Variants in FOXP2 observed in about 807,000 individuals in gnomAD.
FOXP2 encodes forkhead box protein P2.
FOXP2 carries 12 observed loss-of-function variants against 115.8 expected under a neutral mutation model. The observed-to-expected ratio is 0.10, with a 90% confidence interval of 0.07 to 0.17. The LOEUF (loss-of-function observed/expected upper bound fraction) is 0.17, where lower values mean the gene tolerates loss of function less well. Ranked by LOEUF, FOXP2 falls within the 10% of genes least tolerant of loss-of-function variation. FOXP2 has a pLI of 1.00. For missense variants in FOXP2, 629 were observed against 843.5 expected, an observed-to-expected ratio of 0.75 and a Z score of 3.15; for synonymous variants, 328 against 297.7, an observed-to-expected ratio of 1.10 and a Z score of -1.05.
intron 1 of FOXP2, among the ~76,000 whole-genome samples, chr7:114,227,949 G>T (rs936602192): frequency 6.6e-6 from 1 of 151,936 alleles, no homozygotes; most frequent in Non-Finnish European, 1.5e-5. Flanking sequence ...CAAACCAATG[G>T]TCCTGTGGAT....
intron 2 of FOXP2, among the ~76,000 whole-genome samples, chr7:114,463,500 GCAAA>G (rs1317929023): frequency 1.3e-5 from 2 of 152,092 alleles, no homozygotes; most frequent in African/African-American, 4.8e-5. Context: ...GTGGCTAATG[GCAAA>G]CATGTTGAAC....
chr7:114,205,652 T>A (rs1794182108), intron 1 of FOXP2, among the ~76,000 whole-genome samples: 1 of 152,062 alleles, frequency 6.6e-6, no homozygotes, highest in Non-Finnish European at 1.5e-5. Flanking sequence ...TAGGGGACCA[T>A]TTTTGAGATC....
intron 2 of FOXP2, among the ~76,000 whole-genome samples, chr7:114,302,307 T>C (rs1796896875): frequency 6.6e-6 from 1 of 152,158 alleles, no homozygotes; most frequent in South Asian, 2.1e-4. Context: ...ATATGAACTT[T>C]TGATGGTAAA....
chr7:114,625,043 G>A (rs866200551), intron 3 of FOXP2, among the ~76,000 whole-genome samples: 2 of 151,444 alleles, frequency 1.3e-5, no homozygotes, highest in South Asian at 4.2e-4. Context: ...GGTGCACAGA[G>A]CAGCATGTCG....
chr7:114,354,435 G>A (rs757691562), intron 2 of FOXP2, among the ~76,000 whole-genome samples: 1 of 152,038 alleles, frequency 6.6e-6, no homozygotes, highest in South Asian at 2.1e-4. Context: ...CTATTGGTTT[G>A]GTTTCTCTGG....
chr7:114,435,289 A>G (rs1794291458), intron 2 of FOXP2, among the ~76,000 whole-genome samples: 2 of 152,148 alleles, frequency 1.3e-5, no homozygotes, highest in African/African-American at 4.8e-5. Context: ...AGGTTTTAGG[A>G]AGGGCATTTT....
At chr7:114,525,195 GTAT>G (rs962306739) in intron 2 of FOXP2, among the ~76,000 whole-genome samples, 18 of 152,124 alleles carry the variant, frequency 1.2e-4, no homozygotes, top group African/African-American at 4.3e-4. Flanking sequence ...CAAATGACTA[GTAT>G]TATATATTTC....
chr7:114,536,872 A>T (rs1468445469), intron 3 of FOXP2, among the ~76,000 whole-genome samples: 3 of 151,500 alleles, frequency 2.0e-5, no homozygotes, highest in African/African-American at 4.8e-5. Context: ...CAAAATATAC[A>T]CTGCAATTAA....
chr7:114,165,112 T>C (rs558650567), intron 1 of FOXP2, among the ~76,000 whole-genome samples: 25 of 152,176 alleles, frequency 1.6e-4, no homozygotes, highest in Non-Finnish European at 3.5e-4. Flanking sequence ...AATTTTCTGG[T>C]ATGTTGGAAA....
chr7:114,676,350 G>C (rs1208337798), intron 16 of FOXP2, among the ~76,000 whole-genome samples: 2 of 152,086 alleles, frequency 1.3e-5, no homozygotes, highest in African/African-American at 4.8e-5. Flanking sequence ...AGTCTATATT[G>C]AATGGGTAAT....
chr7:114,286,463 T>A (rs1431946595), intron 1 of FOXP2, among the ~76,000 whole-genome samples: 1 of 151,990 alleles, frequency 6.6e-6, no homozygotes, highest in Non-Finnish European at 1.5e-5. Flanking sequence ...CCTATGAATA[T>A]TGGCAAGGGA....
intron 2 of FOXP2, among the ~76,000 whole-genome samples, chr7:114,451,316 T>G (rs1269256436): frequency 6.6e-6 from 1 of 152,038 alleles, no homozygotes; most frequent in Non-Finnish European, 1.5e-5. Context: ...GGTGTTAAAG[T>G]GCACATATTT....
intron 2 of FOXP2, among the ~76,000 whole-genome samples, chr7:114,353,166 T>A (rs1391026669): frequency 6.6e-6 from 1 of 152,064 alleles, no homozygotes; most frequent in East Asian, 1.9e-4. Context: ...ATATCTTATA[T>A]CAGTGTTTTC....
chr7:114,421,985 G>A (rs944417982), intron 1 of FOXP2, among the ~76,000 whole-genome samples: 1 of 151,458 alleles, frequency 6.6e-6, no homozygotes, highest in Non-Finnish European at 1.5e-5. Flanking sequence ...AAACGTATGA[G>A]GTTTCTTGTT....
intron 2 of FOXP2, among the ~76,000 whole-genome samples, chr7:114,432,425 ACT>A (rs1419251283): frequency 6.6e-6 from 1 of 151,726 alleles, no homozygotes; most frequent in African/African-American, 2.4e-5. Flanking sequence ...ATTAATTTAC[ACT>A]CTCTTATTCA....
rs563383145 is a variant in FOXP2, at chr7:114,363,769, G to A, written c.-10-62733G>A. ...TTATCCTAAGAAATCCCTGGATTCA[G>A]ACGTTGCCTTCTTTCATATCCCTTC... On this transcript the variant is annotated intron_variant, in intron 2 of 17. Transcript: ENST00000634411. Among the ~76,000 whole-genome samples, 3 of 152,022 alleles carry A rather than the reference G, an allele frequency of 2.0e-5. No individual in the cohort carries two copies. The East Asian group carries it at 5.8e-4, about 29-fold the overall frequency.
intron 1 of FOXP2, among the ~76,000 whole-genome samples, chr7:114,257,770 CA>C (rs1397041179): frequency 6.6e-6 from 1 of 152,052 alleles, no homozygotes; most frequent in African/African-American, 2.4e-5. Flanking sequence ...CATTTTTAAG[CA>C]GAGGCATGAA....
chr7:114,176,298 T>TTCTTTCTTTCTTTCTTTCTC (rs368923204), intron 1 of FOXP2, among the ~76,000 whole-genome samples: 15 of 76,576 alleles, frequency 2.0e-4, no homozygotes, highest in African/African-American at 7.6e-4. Context: ...CTTTCTTTCT[T>TTCTTTCTTTCTTTCTTTCTC]TCTCTCTCTC....
chr7:114,590,817 A>G (rs544506715), intron 3 of FOXP2, among the ~76,000 whole-genome samples: 8 of 152,226 alleles, frequency 5.3e-5, no homozygotes, highest in Non-Finnish European at 8.8e-5. Flanking sequence ...GGATATGATC[A>G]TCTGGACAAA....
Sources: gnomAD v4.1 joint callset for allele counts (sites outside exome capture counted in the v4.1 genomes callset) on GRCh38, gnomAD v4.1.1 for gene constraint, MANE v1.5 for transcripts, NCBI Gene and HGNC (gene_info 2026-07-23, HGNC 2026-07-21) for gene names.